The following MAP3K4 variants were observed in gnomAD, a reference collection of about 807,000 sequenced individuals.
MAP3K4 encodes mitogen-activated protein kinase kinase kinase 4.
A neutral mutation model predicts 185.6 loss-of-function variants in MAP3K4; 67 were observed. That is an observed-to-expected ratio of 0.36 (90% CI 0.30 to 0.44). The LOEUF is 0.44. Among genes scored for constraint, MAP3K4 ranks in the 20% least tolerant of loss-of-function variants. The probability of loss-of-function intolerance (pLI) is 1.00; values close to 1 mark genes in which losing one functional copy is unlikely to be tolerated. For synonymous variants in MAP3K4, 702 were observed against 710.4 expected (o/e 0.99, Z 0.19); for missense variants, 1,551 against 1,995.1 (o/e 0.78, Z 4.24).
rs1469159310 is a variant in MAP3K4, at chr6:161,091,642, T to C, written c.3135+102T>C. On this transcript the variant is annotated intron_variant, in intron 12 of 26. Transcript: ENST00000392142. The surrounding 1 kb of genome is among the most constrained non-coding windows in gnomAD (Gnocchi z 5.5). ...TACAGTAAATCTGATATTGTAATCA[T>C]AGCTTAATCAAGAATATCATCTTAT... The C allele has an allele frequency of 4.9e-6, 5 of 1,010,296 alleles. No individual in the cohort carries two copies. In the African/African-American group the frequency reaches 6.5e-5, roughly 13 times the overall value. 62.6% of individuals were successfully genotyped at this position (1,010,296 alleles called of 1,614,324 possible). A position where few individuals can be genotyped will look rare whatever the true frequency, so the allele number is the denominator to read the frequency against.
intron 1 of MAP3K4, among the ~76,000 whole-genome samples, chr6:161,010,243 A>G (rs1157751357): frequency 6.6e-6 from 1 of 152,200 alleles, no homozygotes; most frequent in Non-Finnish European, 1.5e-5. Flanking sequence ...TGAGATGCCC[A>G]GGATGTTTGG....
At position 161,037,607 on chromosome 6, in the gene MAP3K4, G is replaced by A. The variant is rs979360599; in HGVS notation, c.343+3158G>A. Among the ~76,000 whole-genome samples the A allele has an allele frequency of 1.3e-5, 2 of 152,002 alleles. No homozygotes were observed. Among genetic ancestry groups the A allele is most frequent in the Non-Finnish European group, 2.9e-5 (2 of 67,998 alleles). ...CTAATTTTGTATTTTTGGTAGAGAC[G>A]ATGTTTCGCTATGTTGGCCAGGCTG... On this transcript the variant is annotated intron_variant, in intron 2 of 26. Transcript: ENST00000392142. The surrounding 1 kb of genome is among the most constrained non-coding windows in gnomAD (Gnocchi z 4.2).
In MAP3K4 at chr6:161,092,966, T is replaced by G; in HGVS notation, c.3270-12T>G. The G allele has an allele frequency of 3.1e-6, 5 of 1,597,950 alleles. No homozygotes were observed. On this transcript the variant is annotated splice_polypyrimidine_tract_variant and intron_variant, in intron 13 of 26. Coordinates refer to ENST00000392142, the MANE Select transcript of MAP3K4 (RefSeq NM_005922.4). ...GGTTGTTATGTGATTACTGAACTTT[T>G]TCGTGTACCAGGTGGGCGACTCAAG... is the stretch of plus-strand genomic sequence containing the variant.
rs754439922 is a variant in MAP3K4 at position 161,096,271 on chromosome 6, C to T, written c.3428-809C>T. Among the ~76,000 whole-genome samples the T allele has an allele frequency of 6.1e-4, 93 of 151,944 alleles. No homozygotes were observed. In the Middle Eastern group the frequency reaches 0.01, roughly 17 times the overall value. On this transcript the variant is annotated intron_variant, in intron 15 of 26. Coordinates refer to ENST00000392142, the MANE Select transcript of MAP3K4 (RefSeq NM_005922.4). The surrounding 1 kb of genome is among the most constrained non-coding windows in gnomAD (Gnocchi z 4.9). Reference sequence around the variant, plus strand: ...AACAGGATTTCCATTTAGGATAAAACCTATTTGGGATAAAACATATATAAA... The same window carrying T: ...AACAGGATTTCCATTTAGGATAAAATCTATTTGGGATAAAACATATATAAA...
intron 2 of MAP3K4, among the ~76,000 whole-genome samples, chr6:161,042,547 A>G (rs1210903976): frequency 6.6e-6 from 1 of 152,200 alleles, no homozygotes; most frequent in Non-Finnish European, 1.5e-5. Context: ...CTTTTGGATA[A>G]TGGTAGTCAT....
In MAP3K4 at chr6:161,047,573, CG is replaced by C. The variant is rs1783793030; in HGVS notation, c.344-1042del. 2.6e-5 allele frequency among the ~76,000 whole-genome samples: 4 copies of C among 151,770 alleles called. No homozygotes were observed. In the South Asian group the frequency reaches 6.2e-4, roughly 24 times the overall value. On this transcript the variant is annotated intron_variant, in intron 2 of 26. Coordinates refer to ENST00000392142, the MANE Select transcript of MAP3K4 (RefSeq NM_005922.4). ...GAGTGTAGAGGGTAGATTGAGATGGCGTTATAGGTTTGGGCATTATCGATAT... is the reference window on the plus strand; with the variant it reads ...GAGTGTAGAGGGTAGATTGAGATGGCTTATAGGTTTGGGCATTATCGATAT...
In MAP3K4 at chr6:161,067,872, C is replaced by T. The variant is rs1021580898; in HGVS notation, c.1708-2736C>T. Among the ~76,000 whole-genome samples, 2 of 152,172 alleles carry T rather than the reference C, an allele frequency of 1.3e-5. No homozygotes were observed. The highest frequency in any genetic ancestry group is 4.8e-5 in the African/African-American group (2 of 41,432). On this transcript the variant is annotated intron_variant, in intron 3 of 26. Coordinates refer to ENST00000392142, the MANE Select transcript of MAP3K4 (RefSeq NM_005922.4). The surrounding 1 kb of genome is among the most constrained non-coding windows in gnomAD (Gnocchi z 6.3). ...TTCTTTTTGAAAATCAAAACATCCA[C>T]TTTTAAAACTGTAGACCTTGTCAAT...
chr6:161,012,919 A>C (rs181505310), intron 1 of MAP3K4, among the ~76,000 whole-genome samples: 1 of 152,276 alleles, frequency 6.6e-6, no homozygotes, highest in Non-Finnish European at 1.5e-5. Context: ...ATCATATTTC[A>C]TTTTATGAGC....
Position 161,086,324 on chromosome 6 carries a change from G to T in MAP3K4, c.2373-55G>T. On this transcript the variant is annotated intron_variant, in intron 7 of 26. Coordinates refer to ENST00000392142, the MANE Select transcript of MAP3K4 (RefSeq NM_005922.4). This position sits in a 1 kb window ranked among gnomAD's most constrained non-coding sequence, Gnocchi z 4.8. ...TCATCTTTATTGTTAAATCCCTCTT[G>T]CACCTCTGGAATATTCCCTAATGTG... is the stretch of plus-strand genomic sequence containing the variant. 2 of 1,001,532 alleles carry T rather than the reference G, an allele frequency of 2.0e-6. No individual in the cohort carries two copies. Among genetic ancestry groups the T allele is most frequent in the South Asian group, 3.0e-5 (2 of 67,420 alleles). The allele number at this position is 1,001,532 out of a possible 1,614,324, so 62.0% of individuals were successfully genotyped here. A position where few individuals can be genotyped will look rare whatever the true frequency, so the allele number is the denominator to read the frequency against.
chr6:161,057,378 G>C (rs1023923153), intron 3 of MAP3K4, among the ~76,000 whole-genome samples: 1 of 152,286 alleles, frequency 6.6e-6, no homozygotes, highest in South Asian at 2.1e-4. Flanking sequence ...AACCAGTTTA[G>C]GTACAGTAGA....
Position 161,034,322 on chromosome 6 carries a change from C to T in MAP3K4, c.216C>T (p.Ser72=), listed in dbSNP as rs748293206. The T allele has an allele frequency of 6.8e-6, 11 of 1,613,784 alleles. 1 individual carries two copies. The highest frequency in any genetic ancestry group is 5.3e-5 in the African/African-American group (4 of 74,898). The change falls in exon 2 of 27, where the codon TCC becomes TCT. Residue 72 remains serine (S), a synonymous_variant. Coordinates refer to ENST00000392142, the MANE Select transcript of MAP3K4 (RefSeq NM_005922.4). This position sits in a 1 kb window ranked among gnomAD's most constrained non-coding sequence, Gnocchi z 4.4. ...KSPESDLEDF[S]DETNTENLYG... Reference sequence around the variant, plus strand: ...CTGAATCTGATCTAGAAGACTTCTCCGATGAAACAAATACAGAGAATCTTT... The same window carrying T: ...CTGAATCTGATCTAGAAGACTTCTCTGATGAAACAAATACAGAGAATCTTT...
Position 161,087,742 on chromosome 6 carries a change from G to C in MAP3K4, c.2611G>C (p.Glu871Gln). ...AATGTTTGTTCCAGACACTCTTGCT[G>C]AGGAGAAGAGTATTATTTTGCAGTT... The part of the protein sequence containing the change: ...LQMFVPDTLA[E>Q]EKSIILQLLN... The change falls in exon 10 of 27, where the codon GAG becomes CAG. Residue 871 changes from glutamate (E) to glutamine (Q), a missense_variant. Coordinates refer to ENST00000392142, the MANE Select transcript of MAP3K4 (RefSeq NM_005922.4). This position sits in a 1 kb window ranked among gnomAD's most constrained non-coding sequence, Gnocchi z 4.9. The C allele has an allele frequency of 6.2e-7, 1 of 1,614,030 alleles. No individual in the cohort carries two copies. The highest frequency in any genetic ancestry group is 8.5e-7 in the Non-Finnish European group (1 of 1,179,868).
Position 161,048,407 on chromosome 6 carries a change from C to A in MAP3K4, c.344-209C>A. The A allele has an allele frequency of 3.3e-6, 2 of 614,282 alleles. No homozygotes were observed. The highest frequency in any genetic ancestry group is 3.8e-5 in the South Asian group (2 of 52,152). The allele number at this position is 614,282 out of a possible 1,614,324, so 38.1% of individuals were successfully genotyped here. ...TGAATATAAGAGAATACAGCAAATA[C>A]TGGAAAAATGGATAATTTTTTTTAA... is the stretch of plus-strand genomic sequence containing the variant. On this transcript the variant is annotated intron_variant, in intron 2 of 26. Transcript: ENST00000392142. The surrounding 1 kb of genome is among the most constrained non-coding windows in gnomAD (Gnocchi z 4.7).
intron 3 of MAP3K4, among the ~76,000 whole-genome samples, chr6:161,069,991 G>A (rs187228753): frequency 1.5e-3 from 227 of 152,128 alleles, no homozygotes; most frequent in Middle Eastern, 6.8e-3. Context: ...GGGTGGGGGC[G>A]GACAACGCAA....
intron 1 of MAP3K4, among the ~76,000 whole-genome samples, chr6:161,009,258 A>G (rs1337861073): frequency 6.6e-6 from 1 of 152,170 alleles, no homozygotes; most frequent in Non-Finnish European, 1.5e-5. Flanking sequence ...TGCTGGGATT[A>G]CAGGTGTGAG....
intron 2 of MAP3K4, among the ~76,000 whole-genome samples, chr6:161,044,749 A>G (rs534884982): frequency 1.3e-5 from 2 of 152,312 alleles, no homozygotes; most frequent in East Asian, 3.9e-4. Context: ...CGTGGCACCA[A>G]TATCAACTCA....
At chr6:161,030,707 A>G (rs1312466064) in intron 1 of MAP3K4, among the ~76,000 whole-genome samples, 1 of 152,162 alleles carries the variant, frequency 6.6e-6, no homozygotes, top group Non-Finnish European at 1.5e-5. Context: ...GAGCCATTGC[A>G]CTTGGCTGGT....
chr6:161,096,836 G>A lies in MAP3K4; in HGVS notation c.3428-244G>A, dbSNP rs1777592816. 1 of 402,072 alleles carries A rather than the reference G, an allele frequency of 2.5e-6. No homozygotes were observed. The highest frequency in any genetic ancestry group is 4.5e-6 in the Non-Finnish European group (1 of 223,722). 24.9% of individuals were successfully genotyped at this position (402,072 alleles called of 1,614,324 possible). ...CTTACATTATGTATGTTTTACTCCA[G>A]GATTTTTAAAAATGTTTTTTGATGG... On this transcript the variant is annotated intron_variant, in intron 15 of 26. Transcript: ENST00000392142. The surrounding 1 kb of genome is among the most constrained non-coding windows in gnomAD (Gnocchi z 4.9).
rs1472678766 is a variant in MAP3K4 at position 161,037,243 on chromosome 6, G to A, written c.343+2794G>A. 6.6e-6 allele frequency among the ~76,000 whole-genome samples: 1 copy of A among 152,126 alleles called. No individual in the cohort carries two copies. The highest frequency in any genetic ancestry group is 1.5e-5 in the Non-Finnish European group (1 of 68,034). On this transcript the variant is annotated intron_variant, in intron 2 of 26. Transcript: ENST00000392142. The surrounding 1 kb of genome is among the most constrained non-coding windows in gnomAD (Gnocchi z 4.2). The stretch of plus-strand genomic sequence containing the variant: ...TCAGACTATTGCAGCACAGCATGGT[G>A]GACAAAAGCAGAATCTTGGTTGCTT...
Sources: gnomAD v4.1 joint callset for allele counts (sites outside exome capture counted in the v4.1 genomes callset) on GRCh38, gnomAD v4.1.1 for gene constraint, Gnocchi (gnomAD v3.1) non-coding constraint, MANE v1.5 for transcripts, NCBI Gene and HGNC (gene_info 2026-07-23, HGNC 2026-07-21) for gene names.